Variants in STEAP1B observed in about 807,000 individuals in gnomAD.
The protein encoded by STEAP1B is STEAP family protein MGC87042.
In STEAP1B, 13 loss-of-function variants were observed where a neutral mutation model predicts 27.9. The ratio of observed to expected loss-of-function variants is 0.47; its 90% CI spans 0.30 to 0.74. STEAP1B has a LOEUF of 0.74. Among genes scored for constraint, STEAP1B ranks in the 30% least tolerant of loss-of-function variants. The pLI is 0.06. For missense variants in STEAP1B, 250 were observed against 298.7 expected (o/e 0.84, Z 1.20); for synonymous variants, 86 against 107.1 (o/e 0.80, Z 1.22).
chr7:22,451,899 TC>T (rs1785497624), intron 4 of STEAP1B, among the ~76,000 whole-genome samples: 1 of 152,212 alleles, frequency 6.6e-6, no homozygotes, highest in Non-Finnish European at 1.5e-5. Context: ...AATACTGGCC[TC>T]TTAGAACGAG....
intron 4 of STEAP1B, among the ~76,000 whole-genome samples, chr7:22,489,877 T>C (rs1040227825): frequency 6.6e-6 from 1 of 152,228 alleles, no homozygotes; most frequent in African/African-American, 2.4e-5. Flanking sequence ...ATGATATTGA[T>C]TCCTCCTATC....
At chr7:22,446,475 A>G (rs562213571) in intron 4 of STEAP1B, among the ~76,000 whole-genome samples, 2 of 152,334 alleles carry the variant, frequency 1.3e-5, no homozygotes, top group East Asian at 3.9e-4. Context: ...AGGGCCCAAA[A>G]ATCTGTTTTA....
chr7:22,497,056 C>T (rs1438784136), intron 1 of STEAP1B, among the ~76,000 whole-genome samples: 1 of 152,212 alleles, frequency 6.6e-6, no homozygotes, highest in African/African-American at 2.4e-5. Context: ...CCCTTCCTCC[C>T]TCCAATGTGA....
chr7:22,490,323 C>G (rs1250432590), intron 4 of STEAP1B, among the ~76,000 whole-genome samples: 8 of 152,050 alleles, frequency 5.3e-5, no homozygotes, highest in Non-Finnish European at 8.8e-5. Context: ...AAATTGCCTA[C>G]CTTATTTTAC....
At position 22,425,208 on chromosome 7, in the gene STEAP1B, GAT is replaced by G. The variant is rs1378173553; in HGVS notation, c.763-5374_763-5373del. Among the ~76,000 whole-genome samples, 4 of 152,090 alleles carry G rather than the reference GAT, an allele frequency of 2.6e-5. No homozygotes were observed. In the South Asian group the frequency reaches 8.3e-4, roughly 32 times the overall value. ...GTGAAGTGTCACAATGATTTGGTAT[GAT>G]ACATTAAAATTTAACACATGGAACA... On this transcript the variant is annotated intron_variant, in intron 4 of 4. Coordinates refer to ENST00000678116, the MANE Select transcript of STEAP1B (RefSeq NM_001382447.1).
At chr7:22,452,853 G>A (rs1235145317) in intron 4 of STEAP1B, among the ~76,000 whole-genome samples, 2 of 152,160 alleles carry the variant, frequency 1.3e-5, no homozygotes, top group Non-Finnish European at 2.9e-5. Context: ...TTTCTAAGGT[G>A]AGAATTATTT....
intron 4 of STEAP1B, among the ~76,000 whole-genome samples, chr7:22,433,552 A>G (rs1785216978): frequency 6.6e-6 from 1 of 151,914 alleles, no homozygotes; most frequent in Non-Finnish European, 1.5e-5. Flanking sequence ...GTTAGGCCAA[A>G]CCAGTTTTAA....
chr7:22,467,185 A>T (rs1042965795), intron 4 of STEAP1B, among the ~76,000 whole-genome samples: 1 of 152,220 alleles, frequency 6.6e-6, no homozygotes, highest in African/African-American at 2.4e-5. Context: ...ATTTAAAAGG[A>T]TAATGACCCA....
chr7:22,478,739 T>C (rs1786016563), intron 4 of STEAP1B, among the ~76,000 whole-genome samples: 1 of 152,180 alleles, frequency 6.6e-6, no homozygotes, highest in Non-Finnish European at 1.5e-5. Flanking sequence ...CACTGTCTAG[T>C]CCAGTAGCAG....
chr7:22,453,272 G>A (rs1339873026), intron 4 of STEAP1B, among the ~76,000 whole-genome samples: 1 of 152,200 alleles, frequency 6.6e-6, no homozygotes, highest in Admixed American at 6.5e-5. Flanking sequence ...GTCTCATGAT[G>A]TGCAGAAAGT....
intron 4 of STEAP1B, among the ~76,000 whole-genome samples, chr7:22,469,203 A>T (rs1474370861): frequency 1.3e-5 from 2 of 152,176 alleles, no homozygotes; most frequent in East Asian, 3.8e-4. Context: ...TTGTATCTTC[A>T]TTTTTAACAA....
At chr7:22,438,376 A>T in intron 4 of STEAP1B, 1 of 1,221,112 alleles carries the variant, frequency 8.2e-7, no homozygotes, top group Non-Finnish European at 1.1e-6. Context: ...CATTAAAATA[A>T]TTGGAGTAAG....
At chr7:22,498,521 C>A (rs1393655189) in intron 1 of STEAP1B, among the ~76,000 whole-genome samples, 1 of 152,158 alleles carries the variant, frequency 6.6e-6, no homozygotes, top group Non-Finnish European at 1.5e-5. Flanking sequence ...ACAAATCCAC[C>A]CACATTTATT....
At chr7:22,438,310 T>C in intron 4 of STEAP1B, 1 of 712,948 alleles carries the variant, frequency 1.4e-6, no homozygotes, top group East Asian at 2.9e-5. Context: ...CTATGCAGTT[T>C]TTCGCACTTG....
intron 4 of STEAP1B, among the ~76,000 whole-genome samples, chr7:22,434,235 G>A (rs112011480): frequency 1.2e-3 from 184 of 152,304 alleles, no homozygotes; most frequent in African/African-American, 4.2e-3. Flanking sequence ...ACAGGAAGCC[G>A]GCTTTCCGTG....
intron 4 of STEAP1B, among the ~76,000 whole-genome samples, chr7:22,467,696 C>A (rs371625970): frequency 6.6e-5 from 10 of 152,266 alleles, no homozygotes; most frequent in Admixed American, 1.3e-4. Flanking sequence ...CCATGTGAGA[C>A]GTGCCTTTTA....
At position 22,494,804 on chromosome 7, in the gene STEAP1B, G is replaced by C; in HGVS notation, c.52C>G (p.Pro18Ala). 1 of 1,583,396 alleles carries C rather than the reference G, an allele frequency of 6.3e-7. No homozygotes were observed. The highest frequency in any genetic ancestry group is 1.2e-5 in the South Asian group (1 of 85,610). The change falls in exon 2 of 5, where the codon CCT becomes GCT. Residue 18 changes from proline (P) to alanine (A), a missense_variant. Transcript: ENST00000678116. The part of the protein sequence containing the change: ...TNQEEIWKMK[P>A]RRNLEDNDYL... ...TCGTTGTCTTCTAAATTTCTCCTAG[G>C]CTTCATTTTCCAAATTTCTTCTTGG...
chr7:22,448,329 G>A lies in STEAP1B; in HGVS notation c.763-28493C>T, dbSNP rs566127822. Reference sequence around the variant, plus strand: ...AATTATATTTTTCCATTATCCAAAGGAATATAGATAGAAATGATATATTTA... The same window carrying A: ...AATTATATTTTTCCATTATCCAAAGAAATATAGATAGAAATGATATATTTA... On this transcript the variant is annotated intron_variant, in intron 4 of 4. Transcript: ENST00000678116. Among the ~76,000 whole-genome samples the A allele has an allele frequency of 9.5e-4, 145 of 152,064 alleles. 1 individual carries two copies. In the South Asian group the frequency reaches 0.019, roughly 20 times the overall value.
intron 4 of STEAP1B, among the ~76,000 whole-genome samples, chr7:22,430,331 G>C (rs944899440): frequency 3.3e-5 from 5 of 152,158 alleles, no homozygotes; most frequent in African/African-American, 1.2e-4. Flanking sequence ...CATTGTACCA[G>C]ACATATATGA....
Sources: allele counts gnomAD v4.1 joint callset (sites outside exome capture counted in the v4.1 genomes callset), GRCh38; gene constraint gnomAD v4.1.1; transcripts MANE v1.5; gene names NCBI Gene and HGNC (gene_info 2026-07-23, HGNC 2026-07-21).